Variants in ZMIZ2 observed in about 807,000 individuals in gnomAD.
ZMIZ2 encodes zinc finger MIZ-type containing 2.
In ZMIZ2, 26 loss-of-function variants were observed where a neutral mutation model predicts 93.9. That is an observed-to-expected ratio of 0.28 (90% CI 0.20 to 0.38). The LOEUF is 0.38. ZMIZ2 is among the 10% of genes least tolerant of loss of function. ZMIZ2 has a pLI of 1.00. For synonymous variants in ZMIZ2, 485 were observed against 516.4 expected (o/e 0.94, Z 0.82); for missense variants, 1,023 against 1,235.0 (o/e 0.83, Z 2.57).
At chr7:44,753,970 ATTGT>A (rs1790373955) in intron 1 of ZMIZ2, among the ~76,000 whole-genome samples, 1 of 152,158 alleles carries the variant, frequency 6.6e-6, no homozygotes, top group Admixed American at 6.5e-5. Context: ...TTTGTCAGAC[ATTGT>A]TTGGGCCTAT....
intron 11 of ZMIZ2, among the ~76,000 whole-genome samples, chr7:44,762,157 T>A (rs996150533): frequency 2.6e-5 from 4 of 152,252 alleles, no homozygotes; most frequent in Non-Finnish European, 4.4e-5. Context: ...ACGTGGGGGC[T>A]TTATTATTTC....
intron 1 of ZMIZ2, among the ~76,000 whole-genome samples, chr7:44,752,277 A>G (rs1266322937): frequency 2.6e-5 from 4 of 152,024 alleles, no homozygotes; most frequent in South Asian, 2.1e-4. Context: ...ACAGGCGCCC[A>G]CCACTACGCC....
At position 44,766,532 on chromosome 7, in the gene ZMIZ2, C is replaced by A. The variant is rs1222919773; in HGVS notation, c.2524C>A (p.Pro842Thr). 1 of 1,614,000 alleles carries A rather than the reference C, an allele frequency of 6.2e-7. No individual in the cohort carries two copies. ...CCAGCTGCACCATTCAAACCCTCCC[C>A]CAGCGTCCCGGCAGTCCTTGGGCCA... ...GPQLHHSNPP[P>T]ASRQSLGQAS... Residue 842 changes from proline (P) to threonine (T), a missense_variant, in exon 18 of 19, where the codon CCA (proline) becomes ACA (threonine). Physicochemically the swap from Pro to Thr is conservative, Grantham distance 38. This residue lies in a region of ZMIZ2 where 319 missense variants were observed against 358.8 expected (regional missense o/e 0.89). Transcript: ENST00000309315. The surrounding 1 kb of genome is among the most constrained non-coding windows in gnomAD (Gnocchi z 4.4).
intron 1 of ZMIZ2, among the ~76,000 whole-genome samples, chr7:44,751,830 G>GTGTACACC (rs1459841751): frequency 6.6e-6 from 1 of 152,054 alleles, no homozygotes; most frequent in Non-Finnish European, 1.5e-5. Context: ...GACTATGGTG[G>GTGTACACC]TGTACACCTG....
chr7:44,760,868 G>A (rs79338740), intron 9 of ZMIZ2, among the ~76,000 whole-genome samples: 2 of 146,218 alleles, frequency 1.4e-5, no homozygotes, highest in Non-Finnish European at 1.5e-5. Context: ...AAAAAAAAAG[G>A]CCAAGGATTC....
At chr7:44,759,560 T>C in intron 7 of ZMIZ2, 100 bp downstream of exon 7, 1 of 932,084 alleles carries the variant, frequency 1.1e-6, no homozygotes, top group Non-Finnish European at 1.3e-6. Flanking sequence ...ACAGGGTGGC[T>C]AAAGGGGCCA....
In ZMIZ2 at chr7:44,766,366, G is replaced by C. The variant is rs113738297; in HGVS notation, c.2412+33G>C. Reference sequence around the variant, plus strand: ...CCAAGCCGAGAGGCCAAGGGGCCCTGTCTCCCCAGGGGAGCCCCTGAGCTG... The same window carrying C: ...CCAAGCCGAGAGGCCAAGGGGCCCTCTCTCCCCAGGGGAGCCCCTGAGCTG... On this transcript the variant is annotated intron_variant, in intron 17 of 18. Transcript: ENST00000309315. The surrounding 1 kb of genome is among the most constrained non-coding windows in gnomAD (Gnocchi z 4.4). 2,182 of 1,607,568 alleles carry C rather than the reference G, an allele frequency of 1.4e-3. 24 individuals carry two copies. The African/African-American group carries it at 0.026, about 19-fold the overall frequency.
rs747271040 is a variant in ZMIZ2 at position 44,765,491 on chromosome 7, G to A, written c.2154G>A (p.Glu718=). Reference sequence around the variant, plus strand: ...ACGTGCTCATGCCCAGCGTGATGGAGATGATCGCCGCCCTGGGCCCCGGCG... The same window carrying A: ...ACGTGCTCATGCCCAGCGTGATGGAAATGATCGCCGCCCTGGGCCCCGGCG... ...PAHVLMPSVM[E]MIAALGPGAA... Residue 718 remains glutamate (E), a synonymous_variant, in exon 16 of 19, where the codon GAG becomes GAA. Coordinates refer to ENST00000309315, the MANE Select transcript of ZMIZ2 (RefSeq NM_031449.4). This position sits in a 1 kb window ranked among gnomAD's most constrained non-coding sequence, Gnocchi z 4.1. The A allele has an allele frequency of 6.2e-7, 1 of 1,600,818 alleles. No homozygotes were observed. The highest frequency in any genetic ancestry group is 8.5e-7 in the Non-Finnish European group (1 of 1,179,742).
intron 1 of ZMIZ2, 52 bp downstream of exon 1, chr7:44,749,043 T>TGGGCCGGCGGGGGCAGGCAGGTGC (rs1789884532): frequency 1.3e-5 from 2 of 151,538 alleles, no homozygotes; most frequent in Non-Finnish European, 2.9e-5. Flanking sequence ...CAGGCAGGTG[T>TGGGCCGGCGGGGGCAGGCAGGTGC]GGGCCGGCGG....
At chr7:44,756,117 G>C in intron 1 of ZMIZ2, 71 bp from the exon 2 acceptor site, 1 of 1,259,920 alleles carries the variant, frequency 7.9e-7, no homozygotes, top group Non-Finnish European at 1.1e-6. Context: ...CTGGCACCGG[G>C]GTCCCTCCAC....
intron 8 of ZMIZ2, 35 bp from the exon 9 acceptor site, chr7:44,760,390 C>G: frequency 6.2e-7 from 1 of 1,607,450 alleles, no homozygotes; most frequent in Non-Finnish European, 8.5e-7. Flanking sequence ...TCCACCCTGG[C>G]AATCTGCCTT....
rs370794382 is a variant in ZMIZ2 at position 44,768,072 on chromosome 7, C to G, written c.*449C>G. On this transcript the variant is annotated 3_prime_UTR_variant, in exon 19 of 19. Transcript: ENST00000309315. ...CATCTGGCAGGGCTGGCTCTGTCCCCTGGGCCTTTGGCTCCAGTGGCCCCT... is the reference window on the plus strand; with the variant it reads ...CATCTGGCAGGGCTGGCTCTGTCCCGTGGGCCTTTGGCTCCAGTGGCCCCT... 2.2e-3 allele frequency: 411 copies of G among 184,088 alleles called. No individual in the cohort carries two copies. The highest frequency in any genetic ancestry group is 9.2e-3 in the African/African-American group (388 of 42,306). 11.4% of individuals were successfully genotyped at this position (184,088 alleles called of 1,614,324 possible).
chr7:44,765,211 C>A lies in ZMIZ2; in HGVS notation c.1998-124C>A. On this transcript the variant is annotated intron_variant, in intron 15 of 18. Coordinates refer to ENST00000309315, the MANE Select transcript of ZMIZ2 (RefSeq NM_031449.4). The surrounding 1 kb of genome is among the most constrained non-coding windows in gnomAD (Gnocchi z 4.1). ...AGCGTCCTGCTCGATGTGGAAGGTG[C>A]TGGGTGGAAGCAAGCATTTGAGTGG... The A allele has an allele frequency of 6.5e-7, 1 of 1,539,244 alleles. No homozygotes were observed. The highest frequency in any genetic ancestry group is 1.2e-5 in the South Asian group (1 of 81,008).
chr7:44,753,497 C>T (rs906249299), intron 1 of ZMIZ2, among the ~76,000 whole-genome samples: 1 of 152,118 alleles, frequency 6.6e-6, no homozygotes, highest in African/African-American at 2.4e-5. Flanking sequence ...CCTCCTGCCT[C>T]GGCCTCCCAA....
rs1430207344 is a variant in ZMIZ2, at chr7:44,764,992, C to G, written c.1980C>G (p.Ile660Met). Residue 660 changes from isoleucine to methionine, a missense_variant, in exon 15 of 19, where the codon ATC becomes ATG. Physicochemically the swap from Ile to Met is conservative, Grantham distance 10. This residue lies in a region of ZMIZ2 where 319 missense variants were observed against 358.8 expected (regional missense o/e 0.89). Transcript: ENST00000309315. Reference protein sequence around the residue: ...GLEVDQYMLGILIYIQNSDYE... With the variant: ...GLEVDQYMLGMLIYIQNSDYE... Reference sequence around the variant, plus strand: ...AGGTGGACCAGTACATGCTGGGCATCCTGATTTACATTCAGAAGTAAGCAT... The same window carrying G: ...AGGTGGACCAGTACATGCTGGGCATGCTGATTTACATTCAGAAGTAAGCAT... 3 of 1,614,068 alleles carry G rather than the reference C, an allele frequency of 1.9e-6. No individual in the cohort carries two copies. The highest frequency in any genetic ancestry group is 1.7e-6 in the Non-Finnish European group (2 of 1,180,038).
chr7:44,765,451 C>G lies in ZMIZ2; in HGVS notation c.2114C>G (p.Thr705Ser). 6.2e-7 allele frequency: 1 copy of G among 1,606,836 alleles called. No individual in the cohort carries two copies. Among genetic ancestry groups the G allele is most frequent in the Non-Finnish European group, 8.5e-7 (1 of 1,179,906 alleles). Residue 705 changes from threonine to serine, a missense_variant, in exon 16 of 19, where the codon ACC becomes AGC. Physicochemically the swap from Thr to Ser is moderately conservative, Grantham distance 58 (BLOSUM62 1). This residue lies in a region of ZMIZ2 where 319 missense variants were observed against 358.8 expected (regional missense o/e 0.89). Coordinates refer to ENST00000309315, the MANE Select transcript of ZMIZ2 (RefSeq NM_031449.4). The surrounding 1 kb of genome is among the most constrained non-coding windows in gnomAD (Gnocchi z 4.1). Reference protein sequence around the residue: ...PDGPALKRCRTVSPAHVLMPS... With the variant: ...PDGPALKRCRSVSPAHVLMPS... Reference sequence around the variant, plus strand: ...GGGCCAGCACTGAAGCGCTGCCGCACCGTGAGCCCCGCCCACGTGCTCATG... The same window carrying G: ...GGGCCAGCACTGAAGCGCTGCCGCAGCGTGAGCCCCGCCCACGTGCTCATG...
chr7:44,760,119 G>T (rs373670707), intron 7 of ZMIZ2, 32 bp from the exon 8 acceptor site: 1 of 1,613,664 alleles, frequency 6.2e-7, no homozygotes, highest in Non-Finnish European at 8.5e-7. Flanking sequence ...TCAGGTTGGA[G>T]CCCCAGGTGC....
rs771553576 is a variant in ZMIZ2 at position 44,761,882 on chromosome 7, A to G, written c.1573A>G (p.Ile525Val). Residue 525 changes from isoleucine to valine, a missense_variant, in exon 11 of 19, where the codon ATC becomes GTC. By Grantham distance (29) the Ile-to-Val change is conservative (BLOSUM62 3). Transcript: ENST00000309315. This position sits in a 1 kb window ranked among gnomAD's most constrained non-coding sequence, Gnocchi z 5.8. Reference sequence around the variant, plus strand: ...CCAGCCAGGCCGCAACACCATCCAGATCACCGTCACCGCCTGCTGCTGCGT... The same window carrying G: ...CCAGCCAGGCCGCAACACCATCCAGGTCACCGTCACCGCCTGCTGCTGCGT... ...VCQPGRNTIQ[I>V]TVTACCCSHL... The G allele has an allele frequency of 1.1e-5, 18 of 1,613,386 alleles. No homozygotes were observed. Among genetic ancestry groups the G allele is most frequent in the Non-Finnish European group, 1.4e-5 (16 of 1,179,992 alleles).
At chr7:44,758,147 C>A in intron 6 of ZMIZ2, 39 bp downstream of exon 6, 1 of 1,499,262 alleles carries the variant, frequency 6.7e-7, no homozygotes, top group Non-Finnish European at 8.9e-7. Context: ...CCTTGGGTAC[C>A]AACTCCCTCA....
Sources: allele counts gnomAD v4.1 joint callset (sites outside exome capture counted in the v4.1 genomes callset), GRCh38; gene constraint gnomAD v4.1.1; regional missense constraint gnomAD v4.1.1; non-coding constraint Gnocchi (gnomAD v3.1); transcripts MANE v1.5; gene names NCBI Gene and HGNC (gene_info 2026-07-23, HGNC 2026-07-21).